CAMK4: variants seen among roughly 807,000 people sequenced by gnomAD.
CAMK4 encodes calcium/calmodulin dependent protein kinase IV.
In CAMK4, 22 loss-of-function variants were observed where a neutral mutation model predicts 44.9. The ratio of observed to expected loss-of-function variants is 0.49; its 90% CI spans 0.35 to 0.70. CAMK4 has a LOEUF of 0.70. Among genes scored for constraint, CAMK4 ranks in the 30% least tolerant of loss-of-function variants. The probability of loss-of-function intolerance (pLI) is 0.01; values close to 1 mark genes in which losing one functional copy is unlikely to be tolerated. For synonymous variants in CAMK4, 218 were observed against 215.4 expected (o/e 1.01, Z -0.11); for missense variants, 498 against 586.8 (o/e 0.85, Z 1.56).
chr5:111,268,390 T>C (rs1315028588), intron 1 of CAMK4, among the ~76,000 whole-genome samples: 2 of 152,170 alleles, frequency 1.3e-5, no homozygotes, highest in Non-Finnish European at 2.9e-5. Flanking sequence ...TTCATCTCTT[T>C]GGAGGAAAAG....
chr5:111,441,881 A>G (rs1381610955), intron 5 of CAMK4, among the ~76,000 whole-genome samples: 1 of 152,212 alleles, frequency 6.6e-6, no homozygotes, highest in Non-Finnish European at 1.5e-5. Flanking sequence ...ATCATAAAAT[A>G]TCTTTGCACA....
chr5:111,286,881 G>A (rs1252646646), intron 1 of CAMK4, among the ~76,000 whole-genome samples: 3 of 152,104 alleles, frequency 2.0e-5, no homozygotes, highest in African/African-American at 7.2e-5. Flanking sequence ...GAACTTCTTT[G>A]AAGTAGAGTT....
rs1452329465 is a variant in CAMK4, at chr5:111,491,072, TAC to T, written c.*6612_*6613del. On this transcript the variant is annotated 3_prime_UTR_variant, in exon 11 of 11. Transcript: ENST00000282356. ...TTCATTTTATCTCTCGTCTTTGAGA[TAC>T]ACACATTAAAACTTATGTGCATATT... is the stretch of plus-strand genomic sequence containing the variant. 6.6e-6 allele frequency: 1 copy of T among 152,236 alleles called. No individual in the cohort carries two copies. Among genetic ancestry groups the T allele is most frequent in the African/African-American group, 2.4e-5 (1 of 41,460 alleles). The allele number at this position is 152,236 out of a possible 1,614,324, so 9.4% of individuals were successfully genotyped here.
intron 1 of CAMK4, among the ~76,000 whole-genome samples, chr5:111,272,120 T>A (rs564002735): frequency 6.6e-6 from 1 of 150,640 alleles, no homozygotes; most frequent in Non-Finnish European, 1.5e-5. Flanking sequence ...TGTGTGTGTT[T>A]GTGTGTGTGT....
chr5:111,323,718 G>C (rs942077796), intron 1 of CAMK4, among the ~76,000 whole-genome samples: 27 of 151,994 alleles, frequency 1.8e-4, no homozygotes, highest in Admixed American at 3.3e-4. Flanking sequence ...AAAACTGAAA[G>C]AATCTATTGT....
rs1173053521 is a variant in CAMK4, at chr5:111,482,968, T to G, written c.981+31T>G. On this transcript the variant is annotated intron_variant, in intron 10 of 10. Transcript: ENST00000282356. The surrounding 1 kb of genome is among the most constrained non-coding windows in gnomAD (Gnocchi z 4.9). The stretch of plus-strand genomic sequence containing the variant: ...ATAGCATATATTTTGTTTTGTTTTG[T>G]TTTGTTTTCAAAAAATTTATCTCAT... 3.2e-6 allele frequency: 5 copies of G among 1,563,990 alleles called. No homozygotes were observed. The highest frequency in any genetic ancestry group is 4.3e-6 in the Non-Finnish European group (5 of 1,158,746).
rs182178491 is a variant in CAMK4, at chr5:111,246,137, C to T, written c.161+21493C>T. Among the ~76,000 whole-genome samples the T allele has an allele frequency of 8.5e-5, 13 of 152,230 alleles. No individual in the cohort carries two copies. The East Asian group carries it at 1.2e-3, about 14-fold the overall frequency. On this transcript the variant is annotated intron_variant, in intron 1 of 10. Coordinates refer to ENST00000282356, the MANE Select transcript of CAMK4 (RefSeq NM_001744.6). ...GTCACCACAGCTTTCATCGAATTCT[C>T]GAGATGTTTAAGGAGCACTGATGTT...
At chr5:111,435,864 C>T (rs1753626309) in intron 5 of CAMK4, among the ~76,000 whole-genome samples, 1 of 152,144 alleles carries the variant, frequency 6.6e-6, no homozygotes, top group Admixed American at 6.5e-5. Context: ...TCATGTTTAT[C>T]CTCTTAATCT....
rs750477344 is a variant in CAMK4, at chr5:111,493,947, C to T, written c.*9481C>T. ...AGAATTACTGTGAGGTTACAAAAAT[C>T]GTAAGTTAGCAGACATTGAGAAAGG... On this transcript the variant is annotated 3_prime_UTR_variant, in exon 11 of 11. Coordinates refer to ENST00000282356, the MANE Select transcript of CAMK4 (RefSeq NM_001744.6). This position sits in a 1 kb window ranked among gnomAD's most constrained non-coding sequence, Gnocchi z 4.1. 6.6e-6 allele frequency: 1 copy of T among 152,072 alleles called. No individual in the cohort carries two copies. The highest frequency in any genetic ancestry group is 2.4e-5 in the African/African-American group (1 of 41,402). 9.4% of individuals were successfully genotyped at this position (152,072 alleles called of 1,614,324 possible). A position where few individuals can be genotyped will look rare whatever the true frequency, so the allele number is the denominator to read the frequency against.
At chr5:111,288,212 C>G (rs538338130) in intron 1 of CAMK4, among the ~76,000 whole-genome samples, 1 of 152,228 alleles carries the variant, frequency 6.6e-6, no homozygotes, top group Non-Finnish European at 1.5e-5. Context: ...TTTTTCTATT[C>G]TGCTCAAGGC....
chr5:111,483,889 C>A (rs1755516708), intron 10 of CAMK4, 137 bp from the exon 11 acceptor site: 3 of 539,172 alleles, frequency 5.6e-6, no homozygotes, highest in Non-Finnish European at 9.2e-6. Context: ...TTTTGGCAAA[C>A]AATCTAGGAA....
chr5:111,272,471 A>T (rs1750559321), intron 1 of CAMK4, among the ~76,000 whole-genome samples: 1 of 152,172 alleles, frequency 6.6e-6, no homozygotes, highest in Non-Finnish European at 1.5e-5. Flanking sequence ...CCTAGAGCTG[A>T]GCAATATATT....
At chr5:111,371,006 A>G (rs909572765) in intron 2 of CAMK4, among the ~76,000 whole-genome samples, 4 of 152,198 alleles carry the variant, frequency 2.6e-5, no homozygotes, top group African/African-American at 4.8e-5. Context: ...TGACTGTTCT[A>G]GTAACGCCTC....
intron 2 of CAMK4, among the ~76,000 whole-genome samples, chr5:111,369,841 AGTT>A (rs1220740830): frequency 6.6e-6 from 1 of 152,204 alleles, no homozygotes; most frequent in African/African-American, 2.4e-5. Context: ...CTATGTAAAC[AGTT>A]GTTATACTGT....
chr5:111,458,093 T>C (rs1331981465), intron 7 of CAMK4, among the ~76,000 whole-genome samples: 1 of 152,038 alleles, frequency 6.6e-6, no homozygotes, highest in Admixed American at 6.6e-5. Context: ...GTGTGGAGGG[T>C]ACCCCATATC....
chr5:111,437,503 G>T (rs142933581), intron 5 of CAMK4, among the ~76,000 whole-genome samples: 1 of 152,164 alleles, frequency 6.6e-6, no homozygotes, highest in Non-Finnish European at 1.5e-5. Context: ...AGTGGAGGAG[G>T]CATCCTGAAT....
At chr5:111,365,102 G>A (rs1466548818) in intron 2 of CAMK4, 1 of 152,172 alleles carries the variant, frequency 6.6e-6, no homozygotes, top group Non-Finnish European at 1.5e-5. Context: ...CAAGTGAAAG[G>A]ACCCAACAGT....
intron 2 of CAMK4, among the ~76,000 whole-genome samples, chr5:111,374,474 G>T (rs1339825428): frequency 6.6e-6 from 1 of 152,134 alleles, no homozygotes; most frequent in Non-Finnish European, 1.5e-5. Flanking sequence ...AGAAGGACAA[G>T]TGAAGTGATT....
chr5:111,315,562 C>G (rs996104271), intron 1 of CAMK4, among the ~76,000 whole-genome samples: 3 of 152,106 alleles, frequency 2.0e-5, no homozygotes, highest in Non-Finnish European at 4.4e-5. Flanking sequence ...ATTTAATCAT[C>G]ACGACAATCT....
Sources: allele counts gnomAD v4.1 joint callset (sites outside exome capture counted in the v4.1 genomes callset), GRCh38; gene constraint gnomAD v4.1.1; non-coding constraint Gnocchi (gnomAD v3.1); transcripts MANE v1.5; gene names NCBI Gene and HGNC (gene_info 2026-07-23, HGNC 2026-07-21).